The following NLGN1 variants were observed in gnomAD, a reference collection of about 807,000 sequenced individuals.
NLGN1 encodes the protein neuroligin-1.
In NLGN1, 12 loss-of-function variants were observed where a neutral mutation model predicts 65.5. That is an observed-to-expected ratio of 0.18 (90% CI 0.12 to 0.30). The LOEUF (loss-of-function observed/expected upper bound fraction) is 0.30, where lower values mean the gene tolerates loss of function less well. NLGN1 is among the 10% of genes least tolerant of loss of function. The probability of loss-of-function intolerance (pLI) is 1.00; values close to 1 mark genes in which losing one functional copy is unlikely to be tolerated. For synonymous variants in NLGN1, 350 were observed against 359.5 expected, an observed-to-expected ratio of 0.97 and a Z score of 0.30; for missense variants, 750 against 1,007.1, an observed-to-expected ratio of 0.74 and a Z score of 3.46.
chr3:173,749,489 C>A (rs1207417268), intron 3 of NLGN1, among the ~76,000 whole-genome samples: 2 of 152,000 alleles, frequency 1.3e-5, no homozygotes, highest in East Asian at 1.9e-4. Context: ...TGGCACTTTG[C>A]TGACAAATTT....
chr3:173,984,656 G>T (rs1289829464), intron 4 of NLGN1, among the ~76,000 whole-genome samples: 2 of 152,120 alleles, frequency 1.3e-5, no homozygotes, highest in Non-Finnish European at 2.9e-5. Context: ...GTTTTATCCT[G>T]TACAAACTAT....
chr3:173,683,669 C>T (rs1005972977), intron 3 of NLGN1, among the ~76,000 whole-genome samples: 19 of 152,120 alleles, frequency 1.2e-4, no homozygotes, highest in African/African-American at 4.6e-4. Context: ...TACTTCAGAA[C>T]CCATCCACAT....
rs570580133 is a variant in NLGN1 at position 174,101,974 on chromosome 3, G to A, written c.647-173341G>A. 5.3e-5 allele frequency among the ~76,000 whole-genome samples: 8 copies of A among 152,260 alleles called. No individual in the cohort carries two copies. The East Asian group carries it at 1.4e-3, about 26-fold the overall frequency. ...TAAATAGGGCTTCAGCAGGAAGAAA[G>A]ATGTGTTATGGAGTAGTACTTCAGA... On this transcript the variant is annotated intron_variant, in intron 4 of 6. Coordinates refer to ENST00000457714, the Ensembl canonical transcript of NLGN1.
intron 3 of NLGN1, among the ~76,000 whole-genome samples, chr3:173,627,490 G>A (rs970381992): frequency 6.6e-6 from 1 of 152,006 alleles, no homozygotes; most frequent in African/African-American, 2.4e-5. Context: ...GAATAATGCT[G>A]TAATGAACGT....
rs536453214 is a variant in NLGN1, at chr3:173,453,100, C to CT, written c.-321+18034dup. Reference sequence around the variant, plus strand: ...GTGGCTATGTAATTTCTTTTCTTTTCTTTTTTTTTTTTGAGAAAGGGTCTC... The same window carrying CT: ...GTGGCTATGTAATTTCTTTTCTTTTCTTTTTTTTTTTTTGAGAAAGGGTCTC... On this transcript the variant is annotated intron_variant, in intron 2 of 6. Coordinates refer to ENST00000457714, the Ensembl canonical transcript of NLGN1. Among the ~76,000 whole-genome samples, 487 of 141,602 alleles carry CT rather than the reference C, an allele frequency of 3.4e-3. 1 individual carries two copies. Among genetic ancestry groups the CT allele is most frequent in the African/African-American group, 9.2e-3 (357 of 38,936 alleles). The allele number at this position is 141,602 out of a possible 152,430, so 92.9% of individuals were successfully genotyped here. A position where few individuals can be genotyped will look rare whatever the true frequency, so the allele number is the denominator to read the frequency against.
chr3:173,796,255 T>C (rs991013568), intron 3 of NLGN1, among the ~76,000 whole-genome samples: 1 of 152,146 alleles, frequency 6.6e-6, no homozygotes, highest in Non-Finnish European at 1.5e-5. Flanking sequence ...TATGGGTGGA[T>C]AGTAATTATT....
chr3:174,252,095 T>C (rs1322629069), intron 4 of NLGN1, among the ~76,000 whole-genome samples: 2 of 152,078 alleles, frequency 1.3e-5, no homozygotes, highest in East Asian at 3.9e-4. Flanking sequence ...TTTAGAAATA[T>C]AAGGATAATT....
chr3:173,980,773 CA>C (rs1718610545), intron 4 of NLGN1, among the ~76,000 whole-genome samples: 1 of 151,894 alleles, frequency 6.6e-6, no homozygotes, highest in African/African-American at 2.4e-5. Flanking sequence ...TGTACTTGGG[CA>C]GGGGTGGGAA....
At chr3:173,984,260 C>T (rs1280681538) in intron 4 of NLGN1, among the ~76,000 whole-genome samples, 2 of 152,120 alleles carry the variant, frequency 1.3e-5, no homozygotes, top group Non-Finnish European at 2.9e-5. Flanking sequence ...ATGTATTTTC[C>T]TTGGGCCAAA....
intron 3 of NLGN1, among the ~76,000 whole-genome samples, chr3:173,749,739 A>G (rs568492343): frequency 5.9e-5 from 9 of 152,120 alleles, no homozygotes; most frequent in Non-Finnish European, 1.3e-4. Context: ...AAAAATTATT[A>G]TAACCTATTA....
At chr3:174,086,122 CA>C (rs1262875020) in intron 4 of NLGN1, among the ~76,000 whole-genome samples, 1 of 150,856 alleles carries the variant, frequency 6.6e-6, no homozygotes, top group Non-Finnish European at 1.5e-5. Context: ...AATATTTTAC[CA>C]ACTTTCTACA....
At chr3:173,483,791 T>C (rs541672240) in intron 2 of NLGN1, among the ~76,000 whole-genome samples, 4 of 152,236 alleles carry the variant, frequency 2.6e-5, no homozygotes, top group African/African-American at 9.6e-5. Flanking sequence ...GAGAAGCCAT[T>C]TGGCCCACAC....
At chr3:173,653,924 G>C (rs1030089178) in intron 3 of NLGN1, among the ~76,000 whole-genome samples, 5 of 152,148 alleles carry the variant, frequency 3.3e-5, no homozygotes, top group Non-Finnish European at 7.3e-5. Context: ...CACATGAACA[G>C]GAGCCAATTA....
Position 173,584,399 on chromosome 3 carries a change from A to ATTTTT in NLGN1, c.-320-19851_-320-19847dup, listed in dbSNP as rs66827074. Reference sequence around the variant, plus strand: ...TTAGGGTAAAACCAGGGTCCTCGGCATTTTTTTTTTTTTTTTTTTTTTTTT... The same window carrying ATTTTT: ...TTAGGGTAAAACCAGGGTCCTCGGCATTTTTTTTTTTTTTTTTTTTTTTTTTTTTT... On this transcript the variant is annotated intron_variant, in intron 2 of 6. Coordinates refer to ENST00000457714, the Ensembl canonical transcript of NLGN1. Among the ~76,000 whole-genome samples, 202 of 30,832 alleles carry ATTTTT rather than the reference A, an allele frequency of 6.6e-3. 24 individuals carry two copies. The highest frequency in any genetic ancestry group is 9.3e-3 in the African/African-American group (65 of 6,982). 20.2% of individuals were successfully genotyped at this position (30,832 alleles called of 152,430 possible). A position where few individuals can be genotyped will look rare whatever the true frequency, so the allele number is the denominator to read the frequency against.
intron 2 of NLGN1, among the ~76,000 whole-genome samples, chr3:173,536,074 T>C (rs1407480730): frequency 6.6e-6 from 1 of 152,168 alleles, no homozygotes; most frequent in African/African-American, 2.4e-5. Context: ...TGGATTGTGC[T>C]TTTTGGGTGG....
chr3:174,261,720 ATTGAATAG>A (rs1561416732), intron 4 of NLGN1, among the ~76,000 whole-genome samples: 1 of 132,828 alleles, frequency 7.5e-6, no homozygotes, highest in East Asian at 3.3e-4. Flanking sequence ...TTCCAACACT[ATTGAATAG>A]GAGTGGTGAG....
intron 2 of NLGN1, among the ~76,000 whole-genome samples, chr3:173,593,685 A>T (rs761043766): frequency 2.0e-5 from 3 of 152,152 alleles, no homozygotes; most frequent in Admixed American, 6.5e-5. Flanking sequence ...GTTGGGCCCA[A>T]TTAACTGAGC....
intron 3 of NLGN1, among the ~76,000 whole-genome samples, chr3:173,792,738 T>C (rs1339113424): frequency 2.0e-5 from 3 of 152,050 alleles, no homozygotes; most frequent in African/African-American, 7.2e-5. Flanking sequence ...TATATGACAA[T>C]AGGAATAAGG....
chr3:174,188,447 G>A (rs1257925527), intron 4 of NLGN1, among the ~76,000 whole-genome samples: 7 of 151,944 alleles, frequency 4.6e-5, no homozygotes, highest in African/African-American at 1.4e-4. Context: ...TGCTTTACAG[G>A]TGTCCTCTTA....
Sources: gnomAD v4.1 joint callset for allele counts (sites outside exome capture counted in the v4.1 genomes callset) on GRCh38, gnomAD v4.1.1 for gene constraint, MANE v1.5 for transcripts, NCBI Gene and HGNC (gene_info 2026-07-23, HGNC 2026-07-21) for gene names.